LRP2: variants seen among roughly 807,000 people sequenced by gnomAD.
LRP2 encodes low-density lipoprotein receptor-related protein 2.
In LRP2, 172 loss-of-function variants were observed where a neutral mutation model predicts 531.0. That is an observed-to-expected ratio of 0.32 (90% CI 0.29 to 0.37). The LOEUF is 0.37. LRP2 is among the 10% of genes least tolerant of loss of function. The probability of loss-of-function intolerance (pLI) is 1.00; values close to 1 mark genes in which losing one functional copy is unlikely to be tolerated. For missense variants in LRP2, 5,167 were observed against 5,868.3 expected (o/e 0.88, Z 3.90); for synonymous variants, 1,992 against 2,027.6 (o/e 0.98, Z 0.47).
chr2:169,356,322 T>C (rs1333547575), intron 1 of LRP2, among the ~76,000 whole-genome samples: 2 of 152,244 alleles, frequency 1.3e-5, no homozygotes, highest in African/African-American at 4.8e-5. Context: ...TGTAACAACA[T>C]GCACAGGTGC....
Position 169,320,874 on chromosome 2 carries a change from A to G in LRP2, c.90T>C (p.Ser30=). Residue 30 remains serine (S), a synonymous_variant, in exon 2 of 79, where the codon AGT becomes AGC. Coordinates refer to ENST00000649046, the MANE Select transcript of LRP2 (RefSeq NM_004525.3). ...GCCCACTTCCACAGCGAAAATGCGC[A>G]CTGTCACATTCTGCAATAATAGACA... is the stretch of plus-strand genomic sequence containing the variant. ...LAPASGQECD[S]AHFRCGSGHC... 1 of 1,612,394 alleles carries G rather than the reference A, an allele frequency of 6.2e-7. No homozygotes were observed. Among genetic ancestry groups the G allele is most frequent in the Non-Finnish European group, 8.5e-7 (1 of 1,178,364 alleles).
chr2:169,170,908 G>GCT (rs1220389254), intron 58 of LRP2, among the ~76,000 whole-genome samples: 3 of 138,496 alleles, frequency 2.2e-5, no homozygotes, highest in African/African-American at 5.4e-5. Context: ...TTTCTCTCTT[G>GCT]CTCTCTCTCT....
intron 68 of LRP2, among the ~76,000 whole-genome samples, chr2:169,148,150 C>G (rs1462402138): frequency 6.6e-6 from 1 of 152,224 alleles, no homozygotes; most frequent in Non-Finnish European, 1.5e-5. Flanking sequence ...GTCTCAACAA[C>G]TGGTAAATAC....
intron 57 of LRP2, among the ~76,000 whole-genome samples, chr2:169,172,731 C>T (rs1324467397): frequency 3.3e-5 from 5 of 152,122 alleles, no homozygotes; most frequent in Non-Finnish European, 5.9e-5. Flanking sequence ...GAGATAGATA[C>T]GAAGTCTTTT....
chr2:169,239,235 G>A (rs1022293204), intron 26 of LRP2, among the ~76,000 whole-genome samples: 1 of 152,030 alleles, frequency 6.6e-6, no homozygotes, highest in Non-Finnish European at 1.5e-5. Context: ...CTTAAATATA[G>A]TATAGAACTC....
Position 169,226,520 on chromosome 2 carries a change from T to G in LRP2, c.5296A>C (p.Lys1766Gln). Residue 1766 changes from lysine (K) to glutamine (Q), a missense_variant, in exon 32 of 79, where the codon AAG becomes CAG. Physicochemically the swap from Lys to Gln is moderately conservative, Grantham distance 53. Transcript: ENST00000649046. ...IFGISLNPEV[K>Q]SNDAMVPIAG... ...ATGGGGACCATAGCATCATTGCTCT[T>G]CACCTCAGGATTAAGGGAGATTCCA... The G allele has an allele frequency of 6.2e-7, 1 of 1,613,110 alleles. No individual in the cohort carries two copies. Among genetic ancestry groups the G allele is most frequent in the Non-Finnish European group, 8.5e-7 (1 of 1,179,138 alleles).
At chr2:169,323,853 T>TAA (rs11333901) in intron 1 of LRP2, among the ~76,000 whole-genome samples, 1 of 148,056 alleles carries the variant, frequency 6.8e-6, no homozygotes, top group Admixed American at 6.7e-5. Flanking sequence ...GCTGCCTGAT[T>TAA]AAAAAAAAAA....
chr2:169,138,307 G>C (rs1432893788), intron 75 of LRP2, among the ~76,000 whole-genome samples: 3 of 152,046 alleles, frequency 2.0e-5, no homozygotes, highest in South Asian at 2.1e-4. Context: ...AAACCAGAAA[G>C]CTCTTCAATA....
intron 30 of LRP2, 109 bp from the exon 31 acceptor site, chr2:169,231,951 T>G (rs1046545727): frequency 2.1e-5 from 28 of 1,349,038 alleles, no homozygotes; most frequent in African/African-American, 2.9e-5. Context: ...CAGGGGGGCT[T>G]AAGTACGTTG....
chr2:169,335,906 T>C (rs1685389742), intron 1 of LRP2, among the ~76,000 whole-genome samples: 1 of 151,704 alleles, frequency 6.6e-6, no homozygotes. Context: ...TCCCAGCTAC[T>C]TGGGAGGCTG....
chr2:169,338,287 GAAAA>G (rs1685461701), intron 1 of LRP2, among the ~76,000 whole-genome samples: 5 of 117,494 alleles, frequency 4.3e-5, no homozygotes, highest in African/African-American at 1.9e-4. Context: ...AAGAAAGAAA[GAAAA>G]AAGGAAGGAA....
At chr2:169,202,696 C>G in intron 43 of LRP2, 60 bp downstream of exon 43, 1 of 1,547,802 alleles carries the variant, frequency 6.5e-7, no homozygotes, top group Non-Finnish European at 8.9e-7. Flanking sequence ...GATTCCATAC[C>G]AAACACTTGA....
intron 68 of LRP2, among the ~76,000 whole-genome samples, 180 bp from the exon 69 acceptor site, chr2:169,147,139 T>C (rs989239167): frequency 1.3e-5 from 2 of 152,200 alleles, no homozygotes; most frequent in African/African-American, 4.8e-5. Context: ...CAAGAGCACA[T>C]ATGATTTATC....
At position 169,168,585 on chromosome 2, in the gene LRP2, G is replaced by A. The variant is rs757489759; in HGVS notation, c.11589C>T (p.Gly3863=). ...VCIPPYWKCD[G]DDDCGDGSDE... ...CTGAACCATCGCCACAGTCATCATC[G>A]CCATCACATTTCCAATATGGCGGGA... The change falls in exon 61 of 79, where the codon GGC becomes GGT. Residue 3863 remains glycine, a synonymous_variant. Coordinates refer to ENST00000649046, the MANE Select transcript of LRP2 (RefSeq NM_004525.3). 1.5e-5 allele frequency: 25 copies of A among 1,613,892 alleles called. No homozygotes were observed. Among genetic ancestry groups the A allele is most frequent in the Middle Eastern group, 3.3e-4 (2 of 6,084 alleles).
intron 27 of LRP2, 67 bp downstream of exon 27, chr2:169,238,024 G>C: frequency 7.2e-7 from 1 of 1,382,384 alleles, no homozygotes; most frequent in South Asian, 1.2e-5. Context: ...TCTCACTGGT[G>C]AATAACAGCA....
chr2:169,196,081 T>C (rs1687993617), intron 46 of LRP2, among the ~76,000 whole-genome samples: 1 of 152,172 alleles, frequency 6.6e-6, no homozygotes. Context: ...AAAGGCAGTA[T>C]GAAGACAAGG....
chr2:169,271,069 T>G lies in LRP2; in HGVS notation c.2155A>C (p.Ile719Leu). 1.2e-6 allele frequency: 2 copies of G among 1,613,024 alleles called. No individual in the cohort carries two copies. Among genetic ancestry groups the G allele is most frequent in the Non-Finnish European group, 1.7e-6 (2 of 1,179,420 alleles). Residue 719 changes from isoleucine to leucine, a missense_variant, in exon 16 of 79, where the codon ATT (isoleucine) becomes CTT (leucine). Around this residue, in one of 6 missense-constraint regions of LRP2, gnomAD observed 2,811 missense variants for 3,058.0 expected, o/e 0.92. Transcript: ENST00000649046. ...NFLIFSSQVA[I>L]RGIPFTLSTQ... ...GACAAGGTGAACGGGATCCCACGAA[T>G]AGCAACTTGGGATGAAAAAATGAGG...
intron 64 of LRP2, among the ~76,000 whole-genome samples, chr2:169,156,846 T>C (rs1254502146): frequency 6.6e-6 from 1 of 152,184 alleles, no homozygotes; most frequent in Non-Finnish European, 1.5e-5. Context: ...AAAGGAACTC[T>C]TACAATCTTC....
chr2:169,317,487 A>G (rs1386637260), intron 3 of LRP2, among the ~76,000 whole-genome samples: 1 of 152,202 alleles, frequency 6.6e-6, no homozygotes, highest in Non-Finnish European at 1.5e-5. Context: ...TAGGATAAAT[A>G]TGGCAGAGCA....
Sources: gnomAD v4.1 joint callset for allele counts (sites outside exome capture counted in the v4.1 genomes callset) on GRCh38, gnomAD v4.1.1 for gene constraint, gnomAD v4.1.1 regional missense constraint, MANE v1.5 for transcripts, NCBI Gene and HGNC (gene_info 2026-07-23, HGNC 2026-07-21) for gene names.